NELFCD: variants seen among roughly 807,000 people sequenced by gnomAD.
NELFCD encodes negative elongation factor complex member C/D, also known as negative elongation factor C/D.
In NELFCD, 48 loss-of-function variants were observed where a neutral mutation model predicts 72.9. That is an observed-to-expected ratio of 0.66 (90% CI 0.52 to 0.84). The LOEUF (loss-of-function observed/expected upper bound fraction) is 0.84, where lower values mean the gene tolerates loss of function less well. NELFCD is among the 40% of genes least tolerant of loss of function. The pLI is 0.00. For synonymous variants in NELFCD, 297 were observed against 280.6 expected (o/e 1.06, Z -0.59); for missense variants, 538 against 723.8 (o/e 0.74, Z 2.94).
chr20:58,981,376 CG>C lies in NELFCD; in HGVS notation c.60+11del. The C allele has an allele frequency of 9.3e-7, 1 of 1,075,946 alleles. No homozygotes were observed. The highest frequency in any genetic ancestry group is 1.1e-6 in the Non-Finnish European group (1 of 882,530). 66.6% of individuals were successfully genotyped at this position (1,075,946 alleles called of 1,614,324 possible). On this transcript the variant is annotated splice_region_variant and intron_variant, in intron 1 of 14. Coordinates refer to ENST00000652272, the MANE Select transcript of NELFCD (RefSeq NM_198976.4). The stretch of plus-strand genomic sequence containing the variant: ...CGAGGCTGACGGCGGCCAGGTGAGG[CG>C]GGGCACTGGGCGCACCCTAGAGAGA...
intron 4 of NELFCD, among the ~76,000 whole-genome samples, chr20:58,988,410 C>T (rs2091788264): frequency 6.6e-6 from 1 of 152,214 alleles, no homozygotes; most frequent in African/African-American, 2.4e-5. Context: ...TGCTGCATTC[C>T]ATCTGTGGCT....
At chr20:58,982,356 C>T (rs1359779172) in intron 1 of NELFCD, among the ~76,000 whole-genome samples, 1 of 151,874 alleles carries the variant, frequency 6.6e-6, no homozygotes, top group African/African-American at 2.4e-5. Context: ...GGGGGTTTCA[C>T]CTTGTTGGCC....
chr20:58,989,182 G>A, intron 5 of NELFCD, 161 bp downstream of exon 5: 3 of 642,680 alleles, frequency 4.7e-6, no homozygotes, highest in South Asian at 2.0e-5. Flanking sequence ...TGTAAAATTT[G>A]TATCTGTTTT....
Position 58,986,945 on chromosome 20 carries a change from C to A in NELFCD, c.286+82C>A. The stretch of plus-strand genomic sequence containing the variant: ...CTTTTGGGTCCTTATAACACTGATA[C>A]AATGCCTTCTTTGATTTCCTGGTTT... On this transcript the variant is annotated intron_variant, in intron 3 of 14. Coordinates refer to ENST00000652272, the MANE Select transcript of NELFCD (RefSeq NM_198976.4). This position sits in a 1 kb window ranked among gnomAD's most constrained non-coding sequence, Gnocchi z 4.4. 2 of 742,724 alleles carry A rather than the reference C, an allele frequency of 2.7e-6. No individual in the cohort carries two copies. The highest frequency in any genetic ancestry group is 4.5e-6 in the Non-Finnish European group (2 of 441,578). The allele number at this position is 742,724 out of a possible 1,614,324, so 46.0% of individuals were successfully genotyped here. A position where few individuals can be genotyped will look rare whatever the true frequency, so the allele number is the denominator to read the frequency against.
At chr20:58,983,645 C>T (rs536080828) in intron 1 of NELFCD, among the ~76,000 whole-genome samples, 7 of 152,122 alleles carry the variant, frequency 4.6e-5, no homozygotes, top group East Asian at 1.9e-4. Flanking sequence ...AGGCTGGTCT[C>T]GAACTCCTGG....
intron 4 of NELFCD, among the ~76,000 whole-genome samples, chr20:58,988,506 A>T (rs1330559509): frequency 6.6e-6 from 1 of 152,152 alleles, no homozygotes; most frequent in Admixed American, 6.5e-5. Context: ...CACATAGGAG[A>T]GCTGAGAGAA....
At chr20:58,984,894 G>A (rs2091761439) in intron 1 of NELFCD, among the ~76,000 whole-genome samples, 2 of 152,212 alleles carry the variant, frequency 1.3e-5, no homozygotes, top group African/African-American at 4.8e-5. Flanking sequence ...GTGAAGTCCG[G>A]CCTCTGTCAT....
At chr20:58,981,554 T>C (rs1601207985) in intron 1 of NELFCD, among the ~76,000 whole-genome samples, 185 bp downstream of exon 1, 1 of 121,926 alleles carries the variant, frequency 8.2e-6, no homozygotes, top group Non-Finnish European at 1.9e-5. Flanking sequence ...CCGCCCGGGG[T>C]CCCGCGGCGC....
rs2091772450 is a variant in NELFCD, at chr20:58,986,362, TTA to T, written c.176+155_176+156del. On this transcript the variant is annotated intron_variant, in intron 2 of 14. Transcript: ENST00000652272. The surrounding 1 kb of genome is among the most constrained non-coding windows in gnomAD (Gnocchi z 4.4). ...CCCCTCTGCCACTTTTTTTTTTTTT[TTA>T]AATTTTTTTAAGACAGAGTCTTGCT... 35 of 584,490 alleles carry T rather than the reference TTA, an allele frequency of 6.0e-5. No homozygotes were observed. Among genetic ancestry groups the T allele is most frequent in the African/African-American group, 5.1e-4 (27 of 52,724 alleles). The allele number at this position is 584,490 out of a possible 1,614,324, so 36.2% of individuals were successfully genotyped here. A position where few individuals can be genotyped will look rare whatever the true frequency, so the allele number is the denominator to read the frequency against.
chr20:58,987,834 C>T lies in NELFCD; in HGVS notation c.396+17C>T. On this transcript the variant is annotated intron_variant, in intron 4 of 14. Coordinates refer to ENST00000652272, the MANE Select transcript of NELFCD (RefSeq NM_198976.4). ...GAAGGAGAGGTGAGAAATTATTTTT[C>T]TTTGCCTAGTACCAGGCCCTAGGGT... 2 of 1,599,462 alleles carry T rather than the reference C, an allele frequency of 1.3e-6. No individual in the cohort carries two copies. The highest frequency in any genetic ancestry group is 1.7e-6 in the Non-Finnish European group (2 of 1,166,670).
At chr20:58,990,680 A>G in intron 7 of NELFCD, 1 of 460,350 alleles carries the variant, frequency 2.2e-6, no homozygotes, top group Non-Finnish European at 3.9e-6. Context: ...TTCTGCTACC[A>G]ATAGAGTGTT....
chr20:58,990,519 T>C (rs950786598), intron 7 of NELFCD: 1 of 191,028 alleles, frequency 5.2e-6, no homozygotes, highest in Non-Finnish European at 1.1e-5. Context: ...GACTGTTGTG[T>C]AAAGCACTTG....
chr20:58,981,537 C>T (rs893621844), intron 1 of NELFCD, among the ~76,000 whole-genome samples, 168 bp downstream of exon 1: 2 of 147,918 alleles, frequency 1.4e-5, no homozygotes, highest in Admixed American at 1.3e-4. Context: ...GCCCGCCCCG[C>T]CCCCGCCCGC....
chr20:58,992,848 C>CA (rs371549496), intron 10 of NELFCD, 150 bp from the exon 11 acceptor site: 54,794 of 415,634 alleles, frequency 0.13, 1,791 homozygotes, highest in African/African-American at 0.19. Context: ...GACCCTGTCT[C>CA]AAAAAAAAAA....
intron 5 of NELFCD, 78 bp downstream of exon 5, chr20:58,989,099 G>GA: frequency 1.9e-6 from 2 of 1,067,848 alleles, no homozygotes; most frequent in Non-Finnish European, 2.9e-6. Flanking sequence ...TCCTTTGACA[G>GA]TTCATATTTG....
chr20:58,994,602 C>T (rs781459515), intron 14 of NELFCD, 40 bp from the exon 15 acceptor site: 4 of 1,250,010 alleles, frequency 3.2e-6, no homozygotes, highest in East Asian at 2.4e-5. Context: ...TCATGTTCTA[C>T]TTCCTGTTTC....
chr20:58,984,044 A>C (rs1338857130), intron 1 of NELFCD, among the ~76,000 whole-genome samples: 1 of 152,130 alleles, frequency 6.6e-6, no homozygotes, highest in Admixed American at 6.5e-5. Context: ...CAAGAACTGG[A>C]TTTTAAAAGA....
chr20:58,989,640 C>A lies in NELFCD; in HGVS notation c.657C>A (p.Ala219=). 6.2e-7 allele frequency: 1 copy of A among 1,614,062 alleles called. No homozygotes were observed. Among genetic ancestry groups the A allele is most frequent in the South Asian group, 1.1e-5 (1 of 91,074 alleles). The stretch of plus-strand genomic sequence containing the variant: ...TTGAAAAAAATCTCCCTGAGTTTGC[C>A]GTAAGTTCTTTCTTTATGAACCTCA... ...ENLEKNLPEF[A]KMVCHGEHTY... The change falls in exon 6 of 15, where the codon GCC becomes GCA. Residue 219 remains alanine, a splice_region_variant and synonymous_variant. Transcript: ENST00000652272.
chr20:58,981,442 G>A (rs2091731226), intron 1 of NELFCD, 73 bp downstream of exon 1: 1 of 651,352 alleles, frequency 1.5e-6, no homozygotes, highest in Non-Finnish European at 1.9e-6. Context: ...CCCCACTCCC[G>A]GAGAGGCCGC....
Sources: allele counts gnomAD v4.1 joint callset (sites outside exome capture counted in the v4.1 genomes callset), GRCh38; gene constraint gnomAD v4.1.1; non-coding constraint Gnocchi (gnomAD v3.1); transcripts MANE v1.5; gene names NCBI Gene and HGNC (gene_info 2026-07-23, HGNC 2026-07-21).